The following OGN variants were observed in gnomAD, a reference collection of about 807,000 sequenced individuals.
OGN encodes the protein mimecan.
Under a neutral mutation model 30.8 loss-of-function variants are expected in OGN, and 19 were observed. The ratio of observed to expected loss-of-function variants is 0.62; its 90% CI spans 0.43 to 0.90. The LOEUF is 0.90. Among genes scored for constraint, OGN ranks in the 40% least tolerant of loss-of-function variants. The pLI, the probability that OGN is intolerant of heterozygous loss-of-function variation, is 0.00. For synonymous variants in OGN, 126 were observed against 128.3 expected, an observed-to-expected ratio of 0.98 and a Z score of 0.12; for missense variants, 283 against 349.7, an observed-to-expected ratio of 0.81 and a Z score of 1.52.
At position 92,385,364 on chromosome 9, in the gene OGN, A is replaced by G; in HGVS notation, c.*256T>C. ...CATTTATATAAAAACATGATTTTTA[A>G]ATGGTAGTCTAGTATAAACTAGGAT... On this transcript the variant is annotated 3_prime_UTR_variant, in exon 7 of 7. Coordinates refer to ENST00000375561, the MANE Select transcript of OGN (RefSeq NM_014057.5). 3.1e-6 allele frequency: 1 copy of G among 325,306 alleles called. No individual in the cohort carries two copies. The highest frequency in any genetic ancestry group is 5.6e-6 in the Non-Finnish European group (1 of 179,456). 20.2% of individuals were successfully genotyped at this position (325,306 alleles called of 1,614,324 possible).
At chr9:92,401,269 G>A (rs961948951) in intron 2 of OGN, 84 bp from the exon 3 acceptor site, 35 of 651,338 alleles carry the variant, frequency 5.4e-5, no homozygotes, top group South Asian at 3.3e-4. Flanking sequence ...ACACCTTCTC[G>A]TAGTTACAAT....
intron 5 of OGN, 199 bp downstream of exon 5, chr9:92,389,655 T>C (rs913193279): frequency 2.3e-6 from 1 of 439,616 alleles, no homozygotes; most frequent in Admixed American, 4.0e-5. Context: ...ATAAAGGTTA[T>C]GTATTTTAAC....
At chr9:92,401,225 G>A (rs1564300975) in intron 2 of OGN, 40 bp from the exon 3 acceptor site, 1 of 888,148 alleles carries the variant, frequency 1.1e-6, no homozygotes, top group Non-Finnish European at 1.9e-6. Context: ...GCTTCATTAA[G>A]TCTGTGTTTC....
intron 3 of OGN, among the ~76,000 whole-genome samples, chr9:92,396,224 C>G (rs1338892868): frequency 6.6e-6 from 1 of 152,178 alleles, no homozygotes; most frequent in Admixed American, 6.5e-5. Flanking sequence ...CCCACTTTAA[C>G]ATTTTTATGC....
chr9:92,396,836 ATCTTTTATATCTATT>A (rs1842912145), intron 3 of OGN, among the ~76,000 whole-genome samples: 1 of 152,000 alleles, frequency 6.6e-6, no homozygotes, highest in African/African-American at 2.4e-5. Flanking sequence ...TCCCATAAAC[ATCTTTTATATCTATT>A]TCTTTTATAT....
intron 5 of OGN, among the ~76,000 whole-genome samples, chr9:92,388,489 G>A (rs962255833): frequency 5.9e-5 from 9 of 151,680 alleles, no homozygotes; most frequent in African/African-American, 2.2e-4. Flanking sequence ...TCTTTAACAT[G>A]TCTGTTATTC....
chr9:92,385,446 TCTTA>T lies in OGN; in HGVS notation c.*170_*173del, dbSNP rs1588079064. ...CTTTGTTTCGAACGTAGACATTCAGTCTTACTTTTTACTTATTATATGTAAGATT... is the reference window on the plus strand; with the variant it reads ...CTTTGTTTCGAACGTAGACATTCAGTCTTTTTACTTATTATATGTAAGATT... On this transcript the variant is annotated 3_prime_UTR_variant, in exon 7 of 7. Transcript: ENST00000375561. 3.5e-6 allele frequency: 2 copies of T among 573,814 alleles called. No individual in the cohort carries two copies. The highest frequency in any genetic ancestry group is 6.0e-6 in the Non-Finnish European group (2 of 330,784). 35.5% of individuals were successfully genotyped at this position (573,814 alleles called of 1,614,324 possible).
At chr9:92,390,589 C>T (rs535758220) in intron 4 of OGN, among the ~76,000 whole-genome samples, 18 of 118,292 alleles carry the variant, frequency 1.5e-4, no homozygotes, top group African/African-American at 2.0e-4. Flanking sequence ...TGTGTGTGTG[C>T]GCGCGCGCGT....
At chr9:92,392,622 G>A (rs1351768795) in intron 4 of OGN, among the ~76,000 whole-genome samples, 2 of 151,568 alleles carry the variant, frequency 1.3e-5, no homozygotes, top group Middle Eastern at 6.8e-3. Flanking sequence ...GTCGGGTTGG[G>A]GGGAGGGGGG....
At chr9:92,402,315 C>T (rs1346114227) in intron 2 of OGN, among the ~76,000 whole-genome samples, 1 of 152,076 alleles carries the variant, frequency 6.6e-6, no homozygotes, top group Non-Finnish European at 1.5e-5. Flanking sequence ...AACATTTGCT[C>T]ATTGTGTACC....
At position 92,385,585 on chromosome 9, in the gene OGN, G is replaced by A; in HGVS notation, c.*35C>T. The stretch of plus-strand genomic sequence containing the variant: ...ATTGTTGAGACAGACTATTAGTGTA[G>A]GTGTACTTTCATTTATATGTTGTAC... On this transcript the variant is annotated 3_prime_UTR_variant, in exon 7 of 7. Transcript: ENST00000375561. The A allele has an allele frequency of 6.4e-7, 1 of 1,570,364 alleles. No individual in the cohort carries two copies. Among genetic ancestry groups the A allele is most frequent in the Middle Eastern group, 1.7e-4 (1 of 5,986 alleles).
At chr9:92,389,263 A>G (rs1842568942) in intron 5 of OGN, among the ~76,000 whole-genome samples, 1 of 152,220 alleles carries the variant, frequency 6.6e-6, no homozygotes, top group Non-Finnish European at 1.5e-5. Flanking sequence ...CAAATTGTCT[A>G]CCTAAACCGA....
Position 92,386,258 on chromosome 9 carries a change from A to G in OGN, c.669T>C (p.Asn223=), listed in dbSNP as rs752888362. The change falls in exon 6 of 7, where the codon AAT becomes AAC. Residue 223 remains asparagine, a synonymous_variant. Transcript: ENST00000375561. ...AATTAAGAGGCACGGATTCCAGGGC[A>G]TTATGGTCCAAGTAGAGGAAGGTGA... ...NNLTFLYLDH[N]ALESVPLNLP... The G allele has an allele frequency of 1.2e-6, 2 of 1,613,684 alleles. No homozygotes were observed. The highest frequency in any genetic ancestry group is 8.5e-7 in the Non-Finnish European group (1 of 1,179,682).
At position 92,384,108 on chromosome 9, in the gene OGN, C is replaced by T. The variant is rs906821314; in HGVS notation, c.*1512G>A. The T allele has an allele frequency of 2.6e-5, 4 of 152,100 alleles. No individual in the cohort carries two copies. Among genetic ancestry groups the T allele is most frequent in the Admixed American group, 2.6e-4 (4 of 15,274 alleles). 9.4% of individuals were successfully genotyped at this position (152,100 alleles called of 1,614,324 possible). On this transcript the variant is annotated 3_prime_UTR_variant, in exon 7 of 7. Coordinates refer to ENST00000375561, the MANE Select transcript of OGN (RefSeq NM_014057.5). ...TGAGGTTTAAGTCAGGGAAATGAGG[C>T]ATGCACACAAAATAACGAGAAAGTA...
At chr9:92,391,524 A>G (rs1481620642) in intron 4 of OGN, among the ~76,000 whole-genome samples, 3 of 152,130 alleles carry the variant, frequency 2.0e-5, no homozygotes, top group Non-Finnish European at 2.9e-5. Flanking sequence ...CCTTGAACCC[A>G]GGAGGCAGAG....
intron 3 of OGN, among the ~76,000 whole-genome samples, chr9:92,394,519 G>A (rs1034627504): frequency 2.0e-5 from 3 of 150,158 alleles, no homozygotes; most frequent in African/African-American, 4.9e-5. Context: ...CCAAAGTGCC[G>A]GGATTACAGA....
Position 92,393,951 on chromosome 9 carries a change from C to G in OGN, c.269-707G>C, listed in dbSNP as rs186136761. On this transcript the variant is annotated intron_variant, in intron 3 of 6. Transcript: ENST00000375561. Reference sequence around the variant, plus strand: ...CCATTCCTGATAATATCTTTGGTCACTTGGTTCAACTAGTATTTGCCATGT... The same window carrying G: ...CCATTCCTGATAATATCTTTGGTCAGTTGGTTCAACTAGTATTTGCCATGT... Among the ~76,000 whole-genome samples, 292 of 152,240 alleles carry G rather than the reference C, an allele frequency of 1.9e-3. 2 individuals carry two copies. Among genetic ancestry groups the G allele is most frequent in the Middle Eastern group, 0.017 (5 of 294 alleles).
At chr9:92,393,696 AG>A (rs1842779338) in intron 3 of OGN, among the ~76,000 whole-genome samples, 1 of 152,140 alleles carries the variant, frequency 6.6e-6, no homozygotes, top group East Asian at 1.9e-4. Flanking sequence ...TAGCACCCCA[AG>A]TCATTTATTA....
In OGN at chr9:92,384,884, G is replaced by A. The variant is rs1422507090; in HGVS notation, c.*736C>T. The A allele has an allele frequency of 6.6e-6, 1 of 152,308 alleles. No individual in the cohort carries two copies. The highest frequency in any genetic ancestry group is 1.5e-5 in the Non-Finnish European group (1 of 67,986). The allele number at this position is 152,308 out of a possible 1,614,324, so 9.4% of individuals were successfully genotyped here. A position where few individuals can be genotyped will look rare whatever the true frequency, so the allele number is the denominator to read the frequency against. On this transcript the variant is annotated 3_prime_UTR_variant, in exon 7 of 7. Transcript: ENST00000375561. Reference sequence around the variant, plus strand: ...TTCATTATTTCTTATAAGCATATTGGTTTTGGCCTGCTTGAGTTTAAAACT... The same window carrying A: ...TTCATTATTTCTTATAAGCATATTGATTTTGGCCTGCTTGAGTTTAAAACT...
Sources: gnomAD v4.1 joint callset for allele counts (sites outside exome capture counted in the v4.1 genomes callset) on GRCh38, gnomAD v4.1.1 for gene constraint, MANE v1.5 for transcripts, NCBI Gene and HGNC (gene_info 2026-07-23, HGNC 2026-07-21) for gene names.